PHACTR2: variants seen among roughly 807,000 people sequenced by gnomAD.
PHACTR2 encodes chromosome 6 open reading frame 56.
Under a neutral mutation model 76.0 loss-of-function variants are expected in PHACTR2, and 30 were observed. That is an observed-to-expected ratio of 0.39 (90% CI 0.30 to 0.54). The LOEUF is 0.54. Ranked by LOEUF, PHACTR2 falls within the 20% of genes least tolerant of loss-of-function variation. The pLI, the probability that PHACTR2 is intolerant of heterozygous loss-of-function variation, is 0.61. For synonymous variants in PHACTR2, 292 were observed against 292.5 expected (o/e 1.00, Z 0.02); for missense variants, 696 against 781.1 (o/e 0.89, Z 1.30).
Position 143,589,517 on chromosome 6 carries a change from C to G in PHACTR2, c.217+52310C>G, listed in dbSNP as rs148430154. The stretch of plus-strand genomic sequence containing the variant: ...AAACCTTTTTTCTTTATTAATTACT[C>G]AGTCTCAGGTAGTTCTTGCAATGCG... On this transcript the variant is annotated intron_variant, in intron 1 of 11. Transcript: ENST00000367584. The surrounding 1 kb of genome is among the most constrained non-coding windows in gnomAD (Gnocchi z 4.4). Among the ~76,000 whole-genome samples the G allele has an allele frequency of 1.3e-3, 194 of 152,238 alleles. No individual in the cohort carries two copies. Among genetic ancestry groups the G allele is most frequent in the African/African-American group, 4.5e-3 (187 of 41,542 alleles).
rs949721589 is a variant in PHACTR2, at chr6:143,696,240, A to C, written c.47-15776A>C. Among the ~76,000 whole-genome samples, 1 of 152,158 alleles carries C rather than the reference A, an allele frequency of 6.6e-6. No homozygotes were observed. Among genetic ancestry groups the C allele is most frequent in the Non-Finnish European group, 1.5e-5 (1 of 68,034 alleles). Reference sequence around the variant, plus strand: ...TTTCCCTCGAGTCTTAGTTGGTTTTAGCAGCTCCCAGCAATTATCTTGAGA... The same window carrying C: ...TTTCCCTCGAGTCTTAGTTGGTTTTCGCAGCTCCCAGCAATTATCTTGAGA... On this transcript the variant is annotated intron_variant, in intron 1 of 12. Coordinates refer to ENST00000440869, the MANE Select transcript of PHACTR2 (RefSeq NM_001100164.2). This position sits in a 1 kb window ranked among gnomAD's most constrained non-coding sequence, Gnocchi z 4.1.
chr6:143,682,572 T>C (rs1311363940), intron 1 of PHACTR2, among the ~76,000 whole-genome samples: 1 of 152,224 alleles, frequency 6.6e-6, no homozygotes, highest in Non-Finnish European at 1.5e-5. Flanking sequence ...ATTTTCTATA[T>C]ACATGATCAT....
At chr6:143,682,986 G>C (rs1024147199) in intron 1 of PHACTR2, among the ~76,000 whole-genome samples, 2 of 152,072 alleles carry the variant, frequency 1.3e-5, no homozygotes, top group African/African-American at 4.8e-5. Flanking sequence ...GTCATGTTAC[G>C]TTAATTGATT....
chr6:143,768,552 A>G (rs1775012077), intron 6 of PHACTR2, among the ~76,000 whole-genome samples: 1 of 152,246 alleles, frequency 6.6e-6, no homozygotes, highest in Non-Finnish European at 1.5e-5. Context: ...CAGAGAGCTC[A>G]TATCCAAAGG....
At position 143,754,286 on chromosome 6, in the gene PHACTR2, G is replaced by A. The variant is rs533289716; in HGVS notation, c.454+374G>A. ...TTCTCTGCTGGTTACAATTGGACCC[G>A]TGAGCAGTTCAGCATGGAGGAATAT... On this transcript the variant is annotated intron_variant, in intron 4 of 12. Transcript: ENST00000440869. This position sits in a 1 kb window ranked among gnomAD's most constrained non-coding sequence, Gnocchi z 6.2. The A allele has an allele frequency of 2.9e-4, 48 of 165,070 alleles. No individual in the cohort carries two copies. The highest frequency in any genetic ancestry group is 7.8e-4 in the South Asian group (5 of 6,418). 10.2% of individuals were successfully genotyped at this position (165,070 alleles called of 1,614,324 possible). A position where few individuals can be genotyped will look rare whatever the true frequency, so the allele number is the denominator to read the frequency against.
At position 143,571,457 on chromosome 6, in the gene PHACTR2, T is replaced by C. The variant is rs1271294073; in HGVS notation, c.217+34250T>C. ...CCTCCAGCTCTGTCACCCAGGCTGG[T>C]GCAGTGGTGCAATCATAGCTCACTG... On this transcript the variant is annotated intron_variant, in intron 1 of 11. Transcript: ENST00000367584. This position sits in a 1 kb window ranked among gnomAD's most constrained non-coding sequence, Gnocchi z 4.6. 1.3e-5 allele frequency among the ~76,000 whole-genome samples: 2 copies of C among 152,204 alleles called. No homozygotes were observed. The highest frequency in any genetic ancestry group is 4.8e-5 in the African/African-American group (2 of 41,444).
rs1418721516 is a variant in PHACTR2, at chr6:143,664,503, T to C, written c.14-47513T>C. ...TTCATTTTCTCATTATTTGGATTAG[T>C]GAAGCTTTCTTTAATCCCCTTCTTT... On this transcript the variant is annotated intron_variant, in intron 1 of 11. Coordinates refer to the PHACTR2 transcript ENST00000305766. The surrounding 1 kb of genome is among the most constrained non-coding windows in gnomAD (Gnocchi z 5.1). Among the ~76,000 whole-genome samples, 1 of 152,204 alleles carries C rather than the reference T, an allele frequency of 6.6e-6. No individual in the cohort carries two copies. The highest frequency in any genetic ancestry group is 1.5e-5 in the Non-Finnish European group (1 of 68,040).
intron 1 of PHACTR2, among the ~76,000 whole-genome samples, chr6:143,649,099 A>G (rs1355085212): frequency 6.6e-6 from 1 of 152,150 alleles, no homozygotes; most frequent in Non-Finnish European, 1.5e-5. Context: ...TTGCCTTTCC[A>G]CATGGCTTCT....
In PHACTR2 at chr6:143,646,259, C is replaced by T. The variant is rs773913729; in HGVS notation, c.13+37937C>T. On this transcript the variant is annotated intron_variant, in intron 1 of 11. Transcript: ENST00000305766. This position sits in a 1 kb window ranked among gnomAD's most constrained non-coding sequence, Gnocchi z 4.1. Reference sequence around the variant, plus strand: ...ATTTTCATTGTTAGAGTGTCTATGTCTATGTCAGTAATTGGGATTATTTTT... The same window carrying T: ...ATTTTCATTGTTAGAGTGTCTATGTTTATGTCAGTAATTGGGATTATTTTT... Among the ~76,000 whole-genome samples the T allele has an allele frequency of 1.3e-5, 2 of 152,040 alleles. No individual in the cohort carries two copies. Among genetic ancestry groups the T allele is most frequent in the Non-Finnish European group, 2.9e-5 (2 of 67,982 alleles).
Position 143,618,215 on chromosome 6 carries a change from T to C in PHACTR2, c.13+9893T>C, listed in dbSNP as rs1033316304. 2.0e-5 allele frequency among the ~76,000 whole-genome samples: 3 copies of C among 151,082 alleles called. No homozygotes were observed. The highest frequency in any genetic ancestry group is 7.3e-5 in the African/African-American group (3 of 41,046). The stretch of plus-strand genomic sequence containing the variant: ...CCACAGGCGCCCTGCTTTTTAGTGA[T>C]AGAGAAATAGGTCCTGTTCCACCTT... On this transcript the variant is annotated intron_variant, in intron 1 of 11. Coordinates refer to the PHACTR2 transcript ENST00000305766. The surrounding 1 kb of genome is among the most constrained non-coding windows in gnomAD (Gnocchi z 5.2).
intron 1 of PHACTR2, among the ~76,000 whole-genome samples, chr6:143,629,568 G>A (rs1776324914): frequency 6.6e-6 from 1 of 152,130 alleles, no homozygotes; most frequent in African/African-American, 2.4e-5. Flanking sequence ...AGAACTGTGG[G>A]TGTGAGTAGG....
At position 143,678,423 on chromosome 6, in the gene PHACTR2, C is replaced by T. The variant is rs1562267027; in HGVS notation, c.46+214C>T. On this transcript the variant is annotated intron_variant, in intron 1 of 12. Transcript: ENST00000440869. This position sits in a 1 kb window ranked among gnomAD's most constrained non-coding sequence, Gnocchi z 6.2. ...CGATTTTACCTTAAAGGCACAGGCT[C>T]CATTTTTCTGTGCGCGATGCCTCGC... 6.6e-6 allele frequency among the ~76,000 whole-genome samples: 1 copy of T among 152,060 alleles called. No homozygotes were observed. Among genetic ancestry groups the T allele is most frequent in the Non-Finnish European group, 1.5e-5 (1 of 68,002 alleles).
chr6:143,692,987 T>C (rs1777681451), intron 1 of PHACTR2, among the ~76,000 whole-genome samples: 1 of 152,212 alleles, frequency 6.6e-6, no homozygotes, highest in Non-Finnish European at 1.5e-5. Context: ...TGTAGATGTC[T>C]GCCTTCCCTC....
At chr6:143,626,360 AC>A (rs1776256827) in intron 1 of PHACTR2, among the ~76,000 whole-genome samples, 1 of 151,828 alleles carries the variant, frequency 6.6e-6, no homozygotes, top group Non-Finnish European at 1.5e-5. Context: ...ACACGGTGAA[AC>A]CCCGTCTCTA....
intron 1 of PHACTR2, among the ~76,000 whole-genome samples, chr6:143,584,364 T>C (rs1266778110): frequency 4.6e-5 from 7 of 152,160 alleles, no homozygotes; most frequent in African/African-American, 1.2e-4. Flanking sequence ...ACAGACAGGA[T>C]TGGGCTTAGC....
chr6:143,776,779 T>G lies in PHACTR2; in HGVS notation c.1590-549T>G, dbSNP rs1775288709. Among the ~76,000 whole-genome samples the G allele has an allele frequency of 6.6e-6, 1 of 152,174 alleles. No individual in the cohort carries two copies. The highest frequency in any genetic ancestry group is 1.5e-5 in the Non-Finnish European group (1 of 68,040). Reference sequence around the variant, plus strand: ...TTACTGTCACATGACACTCCCCAGGTAGGTGAGCGATCCAGTATGGTGGGA... The same window carrying G: ...TTACTGTCACATGACACTCCCCAGGGAGGTGAGCGATCCAGTATGGTGGGA... On this transcript the variant is annotated intron_variant, in intron 8 of 12. Transcript: ENST00000440869. The surrounding 1 kb of genome is among the most constrained non-coding windows in gnomAD (Gnocchi z 5.3).
intron 1 of PHACTR2, among the ~76,000 whole-genome samples, chr6:143,565,865 G>A (rs1313294128): frequency 1.3e-5 from 2 of 152,244 alleles, no homozygotes; most frequent in East Asian, 3.9e-4. Context: ...TGGGCGGGAA[G>A]GGGAGTCTGC....
At chr6:143,685,399 G>C (rs1777490087) in intron 1 of PHACTR2, among the ~76,000 whole-genome samples, 1 of 152,070 alleles carries the variant, frequency 6.6e-6, no homozygotes, top group Admixed American at 6.5e-5. Context: ...GTAACAAAAA[G>C]ATAAGCAACC....
chr6:143,651,529 A>T (rs146598188), intron 1 of PHACTR2, among the ~76,000 whole-genome samples: 2 of 152,324 alleles, frequency 1.3e-5, no homozygotes, highest in African/African-American at 4.8e-5. Flanking sequence ...AATGAGATAA[A>T]GTCCTTTGCA....
Sources: gnomAD v4.1 joint callset for allele counts (sites outside exome capture counted in the v4.1 genomes callset) on GRCh38, gnomAD v4.1.1 for gene constraint, Gnocchi (gnomAD v3.1) non-coding constraint, MANE v1.5 for transcripts, NCBI Gene and HGNC (gene_info 2026-07-23, HGNC 2026-07-21) for gene names.